The following PSMA1 variants were observed in gnomAD, a reference collection of about 807,000 sequenced individuals.
PSMA1 encodes the protein proteasome 20S subunit alpha 1, also known as proteasome subunit alpha type-1.
In PSMA1, 3 loss-of-function variants were observed where a neutral mutation model predicts 38.4. The observed-to-expected ratio is 0.08, with a 90% confidence interval of 0.04 to 0.20. The LOEUF (loss-of-function observed/expected upper bound fraction) is 0.20. Among genes scored for constraint, PSMA1 ranks in the 10% least tolerant of loss-of-function variants. PSMA1 has a pLI of 1.00. For synonymous variants in PSMA1, 101 were observed against 107.1 expected (o/e 0.94, Z 0.35); for missense variants, 227 against 325.3 (o/e 0.70, Z 2.32).
Position 14,513,657 on chromosome 11 carries a change from A to G in PSMA1, c.457T>C (p.Tyr153His). 6.3e-7 allele frequency: 1 copy of G among 1,596,354 alleles called. No homozygotes were observed. The highest frequency in any genetic ancestry group is 8.5e-7 in the Non-Finnish European group (1 of 1,174,106). Residue 153 changes from tyrosine to histidine, a missense_variant, in exon 7 of 10, where the codon TAT (tyrosine) becomes CAT (histidine). Tyr to His is a moderately conservative substitution (Grantham distance 83, BLOSUM62 2). Transcript: ENST00000396394. ...ATGGACATGGCTCTGCAGTCAAAAT[A>G]GTTAGCAGATGGACAGGTTTGGAAA... ...HIFQTCPSAN[Y>H]FDCRAMSIGA...
chr11:14,552,983 AC>A (rs2134169578), intron 2 of PSMA1, among the ~76,000 whole-genome samples: 1 of 151,808 alleles, frequency 6.6e-6, no homozygotes, highest in South Asian at 2.1e-4. Flanking sequence ...GCATCACGAC[AC>A]CCAGCTAACT....
At chr11:14,520,609 T>C (rs1377323263), upstream of PSMA1, 7 of 692,078 alleles carry the variant, frequency 1.0e-5, no homozygotes, top group Non-Finnish European at 1.5e-5. Flanking sequence ...TCTAGGTTCC[T>C]GTGTATGGCG....
At chr11:14,544,526 A>G (rs1371922341) in intron 2 of PSMA1, among the ~76,000 whole-genome samples, 6 of 152,248 alleles carry the variant, frequency 3.9e-5, no homozygotes, top group Non-Finnish European at 2.9e-5. Flanking sequence ...TTTATTAAAT[A>G]GATATTTCTC....
chr11:14,611,081 G>A, exon 2 of PSMA1: 1 of 1,285,818 alleles, frequency 7.8e-7, no homozygotes, highest in Non-Finnish European at 1.1e-6. Context: ...GAGGGCCAAG[G>A]CCTTTACCAC....
chr11:14,608,240 G>T (rs2134197137), intron 2 of PSMA1, among the ~76,000 whole-genome samples: 2 of 152,110 alleles, frequency 1.3e-5, no homozygotes, highest in South Asian at 4.2e-4. Flanking sequence ...AGTTCCAGCT[G>T]CCTGGGAGAC....
rs377001200 is a variant in PSMA1 at position 14,572,229 on chromosome 11, T to A, written c.21+38737A>T. On this transcript the variant is annotated intron_variant, in intron 2 of 10. Coordinates refer to the PSMA1 transcript ENST00000418988. ...AAGATATATTCTTCTCGGCACCACA[T>A]CGCACTTATTTCAAAATTGACCACA... 3.3e-5 allele frequency among the ~76,000 whole-genome samples: 5 copies of A among 152,214 alleles called. No individual in the cohort carries two copies. In the East Asian group the frequency reaches 7.7e-4, roughly 24 times the overall value.
chr11:14,573,398 C>T (rs1852171911), intron 2 of PSMA1, among the ~76,000 whole-genome samples: 2 of 152,060 alleles, frequency 1.3e-5, no homozygotes, highest in African/African-American at 4.8e-5. Context: ...ATAAACAGAA[C>T]CAAAGACAAA....
At chr11:14,570,227 C>G (rs1668097798) in intron 2 of PSMA1, among the ~76,000 whole-genome samples, 1 of 152,102 alleles carries the variant, frequency 6.6e-6, no homozygotes, top group Non-Finnish European at 1.5e-5. Context: ...TCATTAAAGA[C>G]CAAAGGTAGA....
intron 1 of PSMA1, among the ~76,000 whole-genome samples, chr11:14,641,176 A>G (rs2007361): frequency 0.3 from 45,885 of 151,360 alleles, 8,022 homozygotes; most frequent in South Asian, 0.44. Context: ...TTAAAGTATA[A>G]TAATAATTAA....
In PSMA1 at chr11:14,517,763, A is replaced by G. The variant is rs758750447; in HGVS notation, c.151-18T>C. 3.4e-6 allele frequency: 5 copies of G among 1,488,284 alleles called. No individual in the cohort carries two copies. Among genetic ancestry groups the G allele is most frequent in the Non-Finnish European group, 1.8e-6 (2 of 1,120,994 alleles). 92.2% of individuals were successfully genotyped at this position (1,488,284 alleles called of 1,614,324 possible). A position where few individuals can be genotyped will look rare whatever the true frequency, so the allele number is the denominator to read the frequency against. On this transcript the variant is annotated intron_variant, in intron 3 of 9. Coordinates refer to ENST00000396394, the MANE Select transcript of PSMA1 (RefSeq NM_002786.4). Reference sequence around the variant, plus strand: ...TGCGCCCTCTAAATAGAGACATTATAAGATGTAAAAAAAAAAAAAAAAGAG... The same window carrying G: ...TGCGCCCTCTAAATAGAGACATTATGAGATGTAAAAAAAAAAAAAAAAGAG...
chr11:14,550,726 A>C (rs763580247), intron 2 of PSMA1, among the ~76,000 whole-genome samples: 82 of 149,358 alleles, frequency 5.5e-4, no homozygotes, highest in South Asian at 1.1e-3. Context: ...GTGAGTGATG[A>C]AACTTCTTAA....
chr11:14,519,507 T>C (rs1018382498), intron 1 of PSMA1, among the ~76,000 whole-genome samples: 2 of 152,244 alleles, frequency 1.3e-5, no homozygotes, highest in African/African-American at 4.8e-5. Flanking sequence ...CTTTCTGTTT[T>C]TATGATTAGG....
intron 2 of PSMA1, among the ~76,000 whole-genome samples, chr11:14,533,597 T>A (rs368538469): frequency 2.3e-5 from 3 of 131,930 alleles, no homozygotes; most frequent in African/African-American, 8.3e-5. Flanking sequence ...TTTTTTTTTT[T>A]AATAGAAACG....
intron 7 of PSMA1, 22 bp from the exon 8 acceptor site, chr11:14,510,973 T>TGAAATTAAGAAA: frequency 7.0e-7 from 1 of 1,434,948 alleles, no homozygotes; most frequent in Non-Finnish European, 9.6e-7. Flanking sequence ...AAATTAACAA[T>TGAAATTAAGAAA]TATTTCTTAA....
At chr11:14,589,052 C>G (rs1171505528) in intron 2 of PSMA1, among the ~76,000 whole-genome samples, 1 of 152,194 alleles carries the variant, frequency 6.6e-6, no homozygotes, top group Non-Finnish European at 1.5e-5. Flanking sequence ...CAAGCATGCT[C>G]TTGCCCCAGG....
chr11:14,642,301 A>C (rs1367662380), intron 1 of PSMA1, among the ~76,000 whole-genome samples: 3 of 152,234 alleles, frequency 2.0e-5, no homozygotes, highest in Non-Finnish European at 2.9e-5. Flanking sequence ...TGCACATCAT[A>C]TAAAAAATAC....
intron 2 of PSMA1, among the ~76,000 whole-genome samples, chr11:14,533,730 T>C (rs1196583576): frequency 6.6e-6 from 1 of 151,364 alleles, no homozygotes; most frequent in Admixed American, 6.6e-5. Flanking sequence ...GACTTCTAAC[T>C]TTTGAGGAAT....
At chr11:14,582,787 T>C (rs1423286843) in intron 2 of PSMA1, among the ~76,000 whole-genome samples, 1 of 152,020 alleles carries the variant, frequency 6.6e-6, no homozygotes, top group East Asian at 1.9e-4. Context: ...CATCTCGGCT[T>C]CCCAAAGTGT....
At chr11:14,551,814 T>C (rs1401036236) in intron 2 of PSMA1, among the ~76,000 whole-genome samples, 1 of 152,232 alleles carries the variant, frequency 6.6e-6, no homozygotes, top group African/African-American at 2.4e-5. Flanking sequence ...GCTAGCCATA[T>C]GGATGTAACC....
Sources: allele counts gnomAD v4.1 joint callset (sites outside exome capture counted in the v4.1 genomes callset), GRCh38; gene constraint gnomAD v4.1.1; transcripts MANE v1.5; gene names NCBI Gene and HGNC (gene_info 2026-07-23, HGNC 2026-07-21).